PAK1: variants seen among roughly 807,000 people sequenced by gnomAD.
PAK1 encodes p21 (RAC1) activated kinase 1.
Under a neutral mutation model 67.4 loss-of-function variants are expected in PAK1, and 29 were observed. The observed-to-expected ratio is 0.43, with a 90% CI of 0.32 to 0.59. The LOEUF (loss-of-function observed/expected upper bound fraction) is 0.59, where lower values mean the gene tolerates loss of function less well. PAK1 is among the 20% of genes least tolerant of loss of function. The pLI is 0.07. For missense variants in PAK1, 337 were observed against 670.7 expected, an observed-to-expected ratio of 0.50 and a Z score of 5.50; for synonymous variants, 223 against 237.4, an observed-to-expected ratio of 0.94 and a Z score of 0.56.
chr11:77,324,360 A>C (rs1456752952), intron 14 of PAK1, among the ~76,000 whole-genome samples: 1 of 151,868 alleles, frequency 6.6e-6, no homozygotes, highest in Non-Finnish European at 1.5e-5. Context: ...TTTAGTAGAG[A>C]CGGGGTTTTG....
chr11:77,406,185 ATAT>A (rs1179459127), intron 1 of PAK1, among the ~76,000 whole-genome samples: 2 of 152,156 alleles, frequency 1.3e-5, no homozygotes, highest in African/African-American at 4.8e-5. Context: ...ATGGCTTTAC[ATAT>A]TATTAATACG....
In PAK1 at chr11:77,392,342, G is replaced by T. The variant is rs779686585; in HGVS notation, c.179C>A (p.Pro60His). Residue 60 changes from proline to histidine, a missense_variant, in exon 2 of 15, where the codon CCT becomes CAT. This residue lies in a region of PAK1 where 43 missense variants were observed against 141.5 expected (regional missense o/e 0.30). Coordinates refer to ENST00000356341, the MANE Select transcript of PAK1 (RefSeq NM_002576.5). ...KKDRFYRSIL[P>H]GDKTNKKKEK... ...ATCAAATACTATACTTTTATCTCCAGGTAAAATGGATCGGTAAAATCGGTC... is the reference window on the plus strand; with the variant it reads ...ATCAAATACTATACTTTTATCTCCATGTAAAATGGATCGGTAAAATCGGTC... 1 of 1,591,188 alleles carries T rather than the reference G, an allele frequency of 6.3e-7. No individual in the cohort carries two copies. The highest frequency in any genetic ancestry group is 1.1e-5 in the South Asian group (1 of 88,610).
chr11:77,439,709 C>A (rs1459137614), intron 1 of PAK1, among the ~76,000 whole-genome samples: 1 of 152,214 alleles, frequency 6.6e-6, no homozygotes, highest in Non-Finnish European at 1.5e-5. Context: ...CCAGAGACAT[C>A]ATGGCTATAC....
chr11:77,426,834 CA>C (rs1159859177), intron 1 of PAK1, among the ~76,000 whole-genome samples: 1 of 122,116 alleles, frequency 8.2e-6, no homozygotes, highest in Non-Finnish European at 1.7e-5. Flanking sequence ...CAAAAATGAG[CA>C]ATCTTTAAAA....
intron 5 of PAK1, among the ~76,000 whole-genome samples, chr11:77,372,111 A>G (rs1426494403): frequency 2.6e-5 from 4 of 152,248 alleles, no homozygotes; most frequent in Admixed American, 6.5e-5. Context: ...ATGCTTACAT[A>G]AAGTTTTTAA....
chr11:77,405,400 C>G (rs1209205483), intron 1 of PAK1, among the ~76,000 whole-genome samples: 1 of 151,938 alleles, frequency 6.6e-6, no homozygotes, highest in East Asian at 1.9e-4. Flanking sequence ...GGGAACAATG[C>G]AGAAGTGGAG....
the PAK1 span, among the ~76,000 whole-genome samples, chr11:77,500,474 G>GA: frequency 1.3e-5 from 2 of 150,994 alleles, no homozygotes; most frequent in African/African-American, 2.4e-5. Context: ...CTCAAAAAAA[G>GA]AAAAAAAAGT....
chr11:77,407,503 G>A, intron 1 of PAK1, among the ~76,000 whole-genome samples: 1 of 152,170 alleles, frequency 6.6e-6, no homozygotes, highest in East Asian at 1.9e-4. Flanking sequence ...TAGGCTTTCA[G>A]GCTATAGCAT....
chr11:77,409,530 A>G (rs1403387443), intron 1 of PAK1, among the ~76,000 whole-genome samples: 1 of 152,112 alleles, frequency 6.6e-6, no homozygotes, highest in East Asian at 1.9e-4. Context: ...TAATAGCCAA[A>G]ATGAAAATGT....
Position 77,323,104 on chromosome 11 carries a change from T to G in PAK1, c.*170A>C. 1 of 1,251,606 alleles carries G rather than the reference T, an allele frequency of 8.0e-7. No individual in the cohort carries two copies. The highest frequency in any genetic ancestry group is 1.1e-6 in the Non-Finnish European group (1 of 881,830). The allele number at this position is 1,251,606 out of a possible 1,614,324, so 77.5% of individuals were successfully genotyped here. ...ATCTGATTAGTCATTCAGTTGCAGT[T>G]CTCTTCAATGCTGGACACACGGTTT... On this transcript the variant is annotated 3_prime_UTR_variant, in exon 15 of 15. Coordinates refer to ENST00000356341, the MANE Select transcript of PAK1 (RefSeq NM_002576.5).
At chr11:77,401,104 T>A (rs572485) in intron 1 of PAK1, among the ~76,000 whole-genome samples, 32,419 of 152,216 alleles carry the variant, frequency 0.21, 4,586 homozygotes, top group Non-Finnish European at 0.31. Flanking sequence ...CTAATCACAC[T>A]TTTTAGTCCA....
chr11:77,516,429 C>T, the PAK1 span, among the ~76,000 whole-genome samples: 2 of 152,056 alleles, frequency 1.3e-5, no homozygotes, highest in African/African-American at 2.4e-5. Context: ...AGTAACACAA[C>T]CTATCTCAAA....
intron 1 of PAK1, among the ~76,000 whole-genome samples, chr11:77,462,199 C>G (rs34025917): frequency 6.6e-6 from 1 of 151,662 alleles, no homozygotes. Flanking sequence ...GGCGTGGTGG[C>G]GGGCACCTGT....
the PAK1 span, among the ~76,000 whole-genome samples, chr11:77,491,607 G>GT: frequency 6.6e-6 from 1 of 152,174 alleles, no homozygotes; most frequent in Non-Finnish European, 1.5e-5. Flanking sequence ...TATGCAATCA[G>GT]TGTTAAGTTG....
chr11:77,527,189 G>A, the PAK1 span, among the ~76,000 whole-genome samples: 49 of 151,784 alleles, frequency 3.2e-4, no homozygotes, highest in African/African-American at 1.1e-3. Flanking sequence ...TGCAACCTCC[G>A]CCTCCCAGGC....
chr11:77,370,451 C>G (rs567534886), intron 5 of PAK1, among the ~76,000 whole-genome samples: 47 of 152,208 alleles, frequency 3.1e-4, no homozygotes, highest in Non-Finnish European at 5.7e-4. Flanking sequence ...AAGGAGGAGG[C>G]TGCCCCTACT....
In PAK1 at chr11:77,407,595, C is replaced by T. The variant is rs553948089; in HGVS notation, c.-21-15054G>A. On this transcript the variant is annotated intron_variant, in intron 1 of 14. Coordinates refer to ENST00000356341, the MANE Select transcript of PAK1 (RefSeq NM_002576.5). ...TATAGCACTTTACAAAGCATTTTCACGCATTCATTATTTCATCTGATCCTC... is the reference window on the plus strand; with the variant it reads ...TATAGCACTTTACAAAGCATTTTCATGCATTCATTATTTCATCTGATCCTC... Among the ~76,000 whole-genome samples, 5 of 152,282 alleles carry T rather than the reference C, an allele frequency of 3.3e-5. No homozygotes were observed. In the South Asian group the frequency reaches 8.3e-4, roughly 25 times the overall value.
rs780536535 is a variant in PAK1 at position 77,465,873 on chromosome 11, C to T, written c.-22+7679G>A. 7.9e-5 allele frequency among the ~76,000 whole-genome samples: 12 copies of T among 152,174 alleles called. No homozygotes were observed. In the East Asian group the frequency reaches 1.5e-3, roughly 20 times the overall value. On this transcript the variant is annotated intron_variant, in intron 1 of 14. Transcript: ENST00000356341. ...CTAAAGTGAGACGATTGCTTGAGCC[C>T]GGGAGGGCAGCACTGCAGTGAGCTA...
chr11:77,471,942 A>G (rs903171918), intron 1 of PAK1, among the ~76,000 whole-genome samples: 1 of 152,200 alleles, frequency 6.6e-6, no homozygotes, highest in Non-Finnish European at 1.5e-5. Flanking sequence ...CCAAGAGAAG[A>G]CTTGTAAAAC....
Sources: gnomAD v4.1 joint callset for allele counts (sites outside exome capture counted in the v4.1 genomes callset) on GRCh38, gnomAD v4.1.1 for gene constraint, gnomAD v4.1.1 regional missense constraint, MANE v1.5 for transcripts, NCBI Gene and HGNC (gene_info 2026-07-23, HGNC 2026-07-21) for gene names.